PKHD1: variants seen among roughly 807,000 people sequenced by gnomAD.
PKHD1 encodes fibrocystin.
A neutral mutation model predicts 412.0 loss-of-function variants in PKHD1; 291 were observed. The ratio of observed to expected loss-of-function variants is 0.71; its 90% confidence interval spans 0.64 to 0.78. The LOEUF (loss-of-function observed/expected upper bound fraction) is 0.78, where lower values mean the gene tolerates loss of function less well. Among genes scored for constraint, PKHD1 ranks in the 30% least tolerant of loss-of-function variants. PKHD1 has a pLI of 0.00. For synonymous variants in PKHD1, 1,777 were observed against 1,821.5 expected (o/e 0.98, Z 0.62); for missense variants, 4,825 against 4,950.7 (o/e 0.97, Z 0.76).
intron 13 of PKHD1, among the ~76,000 whole-genome samples, chr6:52,063,925 TA>T (rs1275005942): frequency 6.6e-6 from 1 of 152,220 alleles, no homozygotes; most frequent in Non-Finnish European, 1.5e-5. Context: ...ACTACCCAAG[TA>T]GCTAAAGCAG....
In PKHD1 at chr6:52,010,650, C is replaced by G. The variant is rs113731628; in HGVS notation, c.5601-191G>C. On this transcript the variant is annotated intron_variant, in intron 34 of 66. Transcript: ENST00000371117. ...TTTGTTTTTCCTTTTATCTGCACAC[C>G]CTGCAATGAAAATGCACCATGGTAA... Among the ~76,000 whole-genome samples the G allele has an allele frequency of 4.4e-3, 674 of 152,068 alleles. 4 individuals carry two copies. The highest frequency in any genetic ancestry group is 7.3e-3 in the Non-Finnish European group (493 of 67,996).
At chr6:51,705,298 A>C (rs1214606859) in intron 60 of PKHD1, among the ~76,000 whole-genome samples, 1 of 152,070 alleles carries the variant, frequency 6.6e-6, no homozygotes, top group Non-Finnish European at 1.5e-5. Flanking sequence ...TAAAGTAAGG[A>C]CAAAATACCA....
chr6:51,622,907 T>C (rs1264767140), intron 66 of PKHD1: 2 of 152,176 alleles, frequency 1.3e-5, no homozygotes, highest in African/African-American at 4.8e-5. Flanking sequence ...ATTTTCTCTT[T>C]TATTATATAT....
At position 51,714,588 on chromosome 6, in the gene PKHD1, A is replaced by C. The variant is rs188591495; in HGVS notation, c.10156+29797T>G. Among the ~76,000 whole-genome samples, 500 of 152,290 alleles carry C rather than the reference A, an allele frequency of 3.3e-3. 3 individuals are homozygous for C. The highest frequency in any genetic ancestry group is 5.1e-3 in the Non-Finnish European group (347 of 68,024). On this transcript the variant is annotated intron_variant, in intron 60 of 66. Transcript: ENST00000371117. ...TACCGTATATGGCTATGTAAATTTA[A>C]ATTTTAATAAAAATAAAATAAATGA...
chr6:51,954,779 G>A (rs1008621540), intron 36 of PKHD1, among the ~76,000 whole-genome samples: 2 of 151,974 alleles, frequency 1.3e-5, no homozygotes, highest in African/African-American at 4.8e-5. Flanking sequence ...ACACCTAACA[G>A]CTCAACACCA....
At chr6:51,922,533 C>A (rs550496956) in intron 37 of PKHD1, among the ~76,000 whole-genome samples, 98 of 152,354 alleles carry the variant, frequency 6.4e-4, no homozygotes, top group Non-Finnish European at 1.2e-3. Context: ...TTCAGCTATG[C>A]CCTGCCCCGA....
Position 51,618,855 on chromosome 6 carries a change from C to A in PKHD1, c.*226G>T. 1 of 579,786 alleles carries A rather than the reference C, an allele frequency of 1.7e-6. No homozygotes were observed. The highest frequency in any genetic ancestry group is 3.1e-6 in the Non-Finnish European group (1 of 326,112). 35.9% of individuals were successfully genotyped at this position (579,786 alleles called of 1,614,324 possible). On this transcript the variant is annotated 3_prime_UTR_variant, in exon 67 of 67. Coordinates refer to ENST00000371117, the MANE Select transcript of PKHD1 (RefSeq NM_138694.4). ...ATAATTAACAAGTGCCATTATTTGC[C>A]TAGCATTGAACTAGGATCATGATAG...
chr6:51,857,978 T>C (rs951264301), intron 48 of PKHD1, among the ~76,000 whole-genome samples: 5 of 152,168 alleles, frequency 3.3e-5, no homozygotes, highest in Non-Finnish European at 7.3e-5. Context: ...GAAAATGTCT[T>C]CCTTTCTTTG....
At chr6:51,798,009 T>C (rs1352879028) in intron 52 of PKHD1, among the ~76,000 whole-genome samples, 4 of 152,172 alleles carry the variant, frequency 2.6e-5, no homozygotes, top group Non-Finnish European at 5.9e-5. Flanking sequence ...GGTGCCAAAT[T>C]CCCTCAGCAT....
chr6:52,067,293 G>C (rs955852615), intron 11 of PKHD1, among the ~76,000 whole-genome samples: 2 of 151,984 alleles, frequency 1.3e-5, no homozygotes, highest in African/African-American at 4.8e-5. Context: ...CTGGAATTTT[G>C]TATCAGCTTT....
intron 52 of PKHD1, among the ~76,000 whole-genome samples, chr6:51,798,385 A>G (rs1794919240): frequency 6.6e-6 from 1 of 151,790 alleles, no homozygotes; most frequent in Admixed American, 6.6e-5. Context: ...CTCAAAAAAA[A>G]TAAGAAAGAA....
chr6:51,937,021 C>T (rs892152242), intron 36 of PKHD1, among the ~76,000 whole-genome samples: 1 of 152,144 alleles, frequency 6.6e-6, no homozygotes, highest in Non-Finnish European at 1.5e-5. Context: ...CTTTTTAGAT[C>T]TGCTAAGAAA....
intron 43 of PKHD1, among the ~76,000 whole-genome samples, chr6:51,891,943 A>G (rs1779188951): frequency 6.6e-6 from 1 of 152,192 alleles, no homozygotes; most frequent in African/African-American, 2.4e-5. Context: ...GGCAGCAGCC[A>G]GGACCTGGTC....
intron 28 of PKHD1, among the ~76,000 whole-genome samples, chr6:52,034,994 C>T (rs1366529965): frequency 6.6e-6 from 1 of 152,060 alleles, no homozygotes; most frequent in East Asian, 1.9e-4. Context: ...GGCAGCAGTG[C>T]GTGTGACTCT....
At chr6:52,053,371 T>A (rs1414784613) in intron 20 of PKHD1, 120 bp from the exon 21 acceptor site, 1 of 979,252 alleles carries the variant, frequency 1.0e-6, no homozygotes, top group Non-Finnish European at 1.6e-6. Context: ...AGAGACCCCA[T>A]GAACCCCTGC....
rs116782171 is a variant in PKHD1 at position 52,012,369 on chromosome 6, C to T, written c.5601-1910G>A. The stretch of plus-strand genomic sequence containing the variant: ...TTAAAAATGTAAATGTGGAAATTTA[C>T]ATTTATTATTGTTACATATCTCTCA... On this transcript the variant is annotated intron_variant, in intron 34 of 66. Coordinates refer to ENST00000371117, the MANE Select transcript of PKHD1 (RefSeq NM_138694.4). 3.2e-3 allele frequency among the ~76,000 whole-genome samples: 487 copies of T among 152,258 alleles called. 5 individuals carry two copies. The highest frequency in any genetic ancestry group is 0.011 in the African/African-American group (468 of 41,552).
At chr6:51,755,201 A>G (rs1479249728) in intron 55 of PKHD1, among the ~76,000 whole-genome samples, 1 of 152,212 alleles carries the variant, frequency 6.6e-6, no homozygotes, top group Non-Finnish European at 1.5e-5. Context: ...AAGGAATAAA[A>G]AACAATAAAA....
chr6:51,891,711 G>T (rs1237674961), intron 43 of PKHD1, among the ~76,000 whole-genome samples: 7 of 124,980 alleles, frequency 5.6e-5, no homozygotes, highest in Non-Finnish European at 7.0e-5. Flanking sequence ...GTTCCACAAG[G>T]AACACACACA....
chr6:51,926,703 A>G (rs1013494205), intron 37 of PKHD1, among the ~76,000 whole-genome samples: 1 of 152,222 alleles, frequency 6.6e-6, no homozygotes, highest in African/African-American at 2.4e-5. Flanking sequence ...CCTTTCTTAA[A>G]GATTGTTCCA....
Sources: gnomAD v4.1 joint callset for allele counts (sites outside exome capture counted in the v4.1 genomes callset) on GRCh38, gnomAD v4.1.1 for gene constraint, MANE v1.5 for transcripts, NCBI Gene and HGNC (gene_info 2026-07-23, HGNC 2026-07-21) for gene names.